Variants in TTC7A observed in about 807,000 individuals in gnomAD.
The protein encoded by TTC7A is tetratricopeptide repeat protein 7A.
Under a neutral mutation model 103.7 loss-of-function variants are expected in TTC7A, and 110 were observed. The ratio of observed to expected loss-of-function variants is 1.06; its 90% CI spans 0.91 to 1.24. TTC7A has a LOEUF of 1.24. Ranked by LOEUF, TTC7A falls within the 50% of genes most tolerant of loss-of-function variation. The probability of loss-of-function intolerance (pLI) is 0.00; values close to 1 mark genes in which losing one functional copy is unlikely to be tolerated. For missense variants in TTC7A, 1,340 were observed against 1,116.3 expected (o/e 1.20, Z -2.86); for synonymous variants, 521 against 467.9 (o/e 1.11, Z -1.47).
chr2:47,056,167 C>G (rs1266353341), intron 18 of TTC7A, among the ~76,000 whole-genome samples: 1 of 152,188 alleles, frequency 6.6e-6, no homozygotes, highest in African/African-American at 2.4e-5. Flanking sequence ...CCTGGGCGTT[C>G]TCCATTCTAG....
intron 18 of TTC7A, among the ~76,000 whole-genome samples, chr2:47,055,312 G>T (rs1347037998): frequency 1.3e-5 from 2 of 152,156 alleles, no homozygotes; most frequent in African/African-American, 4.8e-5. Flanking sequence ...TCACTCTTTG[G>T]TTGAATTCAA....
chr2:46,941,624 G>C lies in TTC7A; in HGVS notation c.83G>C (p.Arg28Pro). 6.4e-7 allele frequency: 1 copy of C among 1,555,168 alleles called. No individual in the cohort carries two copies. The highest frequency in any genetic ancestry group is 8.7e-7 in the Non-Finnish European group (1 of 1,149,890). The stretch of plus-strand genomic sequence containing the variant: ...TGCCGCGCCGAGGGCCACTGGGACC[G>C]CATGCCGGAGCTGGTCCGGCAGCTG... The part of the protein sequence containing the change: ...ERCRAEGHWD[R>P]MPELVRQLQT... The change falls in exon 1 of 20, where the codon CGC becomes CCC. Residue 28 changes from arginine (R) to proline (P), a missense_variant. Physicochemically the swap from Arg to Pro is moderately radical, Grantham distance 103. Coordinates refer to ENST00000319190, the MANE Select transcript of TTC7A (RefSeq NM_020458.4). This position sits in a 1 kb window ranked among gnomAD's most constrained non-coding sequence, Gnocchi z 4.2.
In TTC7A at chr2:47,024,274, T is replaced by C; in HGVS notation, c.1569-13T>C. 1 of 1,585,842 alleles carries C rather than the reference T, an allele frequency of 6.3e-7. No homozygotes were observed. The highest frequency in any genetic ancestry group is 1.8e-5 in the Admixed American group (1 of 56,650). ...CCCTGGTGCCTGACTTGTCACTCCC[T>C]CTCCCCACACAGGGCTCAGCAGCTG... On this transcript the variant is annotated splice_polypyrimidine_tract_variant and intron_variant, in intron 13 of 19. Coordinates refer to ENST00000319190, the MANE Select transcript of TTC7A (RefSeq NM_020458.4).
At chr2:47,030,066 C>T (rs887734623) in intron 15 of TTC7A, among the ~76,000 whole-genome samples, 7 of 152,170 alleles carry the variant, frequency 4.6e-5, no homozygotes, top group Admixed American at 2.0e-4. Flanking sequence ...CCCCTAAGGG[C>T]AGGTGACACT....
intron 5 of TTC7A, among the ~76,000 whole-genome samples, chr2:46,989,799 C>CGTGTGTGTGTGTGTGTGCATCTGT (rs754190827): frequency 6.9e-6 from 1 of 144,128 alleles, no homozygotes; most frequent in African/African-American, 2.6e-5. Context: ...TCTTTAATTG[C>CGTGTGTGTGTGTGTGTGCATCTGT]GTGTGTGTGT....
intron 5 of TTC7A, among the ~76,000 whole-genome samples, chr2:46,980,019 G>C (rs967070373): frequency 5.9e-5 from 9 of 152,160 alleles, no homozygotes; most frequent in African/African-American, 2.2e-4. Flanking sequence ...CCAAGGTCAG[G>C]GTCACACAGC....
At chr2:46,956,818 A>ATTTCAGCC in intron 2 of TTC7A, 21 bp from the exon 3 acceptor site, 1 of 1,613,596 alleles carries the variant, frequency 6.2e-7, no homozygotes, top group Middle Eastern at 1.7e-4. Context: ...AGGCGCTGGT[A>ATTTCAGCC]ACATGTCCTT....
intron 11 of TTC7A, among the ~76,000 whole-genome samples, chr2:47,018,725 A>AT (rs561518727): frequency 4.0e-5 from 6 of 151,294 alleles, no homozygotes; most frequent in East Asian, 3.9e-4. Context: ...AATAATAGTT[A>AT]TTTTTTTTTA....
At chr2:47,053,543 T>G (rs7560484) in intron 18 of TTC7A, among the ~76,000 whole-genome samples, 1,776 of 140,194 alleles carry the variant, frequency 0.013, 13 homozygotes, top group African/African-American at 0.02. Flanking sequence ...TGTTTGTTTG[T>G]TTGGTTGGTT....
Position 46,950,355 on chromosome 2 carries a change from C to G in TTC7A, c.185-8C>G. The G allele has an allele frequency of 6.2e-7, 1 of 1,613,906 alleles. No homozygotes were observed. The highest frequency in any genetic ancestry group is 8.5e-7 in the Non-Finnish European group (1 of 1,179,946). On this transcript the variant is annotated splice_region_variant and splice_polypyrimidine_tract_variant and intron_variant, in intron 1 of 19. Transcript: ENST00000319190. ...GTTTGCTGCTCTGACCCCTACTTTG[C>G]TTTTCAGATGACTTTGGGAAATTGC...
chr2:47,027,642 G>A (rs1014433968), intron 14 of TTC7A, among the ~76,000 whole-genome samples: 1 of 152,172 alleles, frequency 6.6e-6, no homozygotes, highest in Non-Finnish European at 1.5e-5. Flanking sequence ...CACAAATATA[G>A]GACCCCTCCA....
In TTC7A at chr2:47,074,183, C is replaced by A; in HGVS notation, c.*260C>A. 1 of 522,972 alleles carries A rather than the reference C, an allele frequency of 1.9e-6. No homozygotes were observed. Among genetic ancestry groups the A allele is most frequent in the South Asian group, 2.2e-5 (1 of 46,068 alleles). The allele number at this position is 522,972 out of a possible 1,614,324, so 32.4% of individuals were successfully genotyped here. On this transcript the variant is annotated 3_prime_UTR_variant, in exon 20 of 20. Transcript: ENST00000319190. ...GTTTTGTGGTGACCAGACTTGCTCC[C>A]CAAGAGCTGGGCAGCGGGGAGCCTC...
intron 15 of TTC7A, among the ~76,000 whole-genome samples, chr2:47,043,310 G>C (rs987966505): frequency 6.6e-6 from 1 of 152,200 alleles, no homozygotes; most frequent in Non-Finnish European, 1.5e-5. Context: ...CATCAGGAAG[G>C]CTGTCTTAGA....
At chr2:46,971,374 G>A (rs1332776371) in intron 3 of TTC7A, among the ~76,000 whole-genome samples, 1 of 152,182 alleles carries the variant, frequency 6.6e-6, no homozygotes, top group African/African-American at 2.4e-5. Context: ...TTCCAGGCAG[G>A]AGGAACAACT....
intron 15 of TTC7A, among the ~76,000 whole-genome samples, chr2:47,045,950 C>G (rs1682269442): frequency 6.6e-6 from 1 of 152,188 alleles, no homozygotes; most frequent in Non-Finnish European, 1.5e-5. Context: ...GATCATTAGG[C>G]ACAGGGCGTT....
At chr2:47,045,761 G>T (rs559794345) in intron 15 of TTC7A, among the ~76,000 whole-genome samples, 1 of 152,310 alleles carries the variant, frequency 6.6e-6, no homozygotes, top group African/African-American at 2.4e-5. Flanking sequence ...GGCGTTGCTT[G>T]GGCACCTATA....
chr2:47,025,908 T>G (rs1679858540), intron 14 of TTC7A, among the ~76,000 whole-genome samples: 1 of 152,202 alleles, frequency 6.6e-6, no homozygotes, highest in Non-Finnish European at 1.5e-5. Context: ...AATACCAACT[T>G]TATTTTTAGT....
chr2:47,032,634 G>A (rs1183213039), intron 15 of TTC7A, among the ~76,000 whole-genome samples: 1 of 151,882 alleles, frequency 6.6e-6, no homozygotes. Context: ...CCCACCCCCA[G>A]TAGTGCCTCA....
chr2:47,029,058 C>T (rs1355096982), intron 14 of TTC7A, among the ~76,000 whole-genome samples, 166 bp from the exon 15 acceptor site: 2 of 152,218 alleles, frequency 1.3e-5, no homozygotes, highest in East Asian at 1.9e-4. Flanking sequence ...GACCCCTCCT[C>T]GCCAGGCCAT....
Sources: allele counts gnomAD v4.1 joint callset (sites outside exome capture counted in the v4.1 genomes callset), GRCh38; gene constraint gnomAD v4.1.1; non-coding constraint Gnocchi (gnomAD v3.1); transcripts MANE v1.5; gene names NCBI Gene and HGNC (gene_info 2026-07-23, HGNC 2026-07-21).